IARS2: variants seen among roughly 807,000 people sequenced by gnomAD.
IARS2 encodes isoleucine--tRNA ligase, mitochondrial.
Under a neutral mutation model 126.3 loss-of-function variants are expected in IARS2, and 56 were observed. That is an observed-to-expected ratio of 0.44 (90% CI 0.36 to 0.55). The LOEUF is 0.55. Among genes scored for constraint, IARS2 ranks in the 20% least tolerant of loss-of-function variants. The probability of loss-of-function intolerance (pLI) is 0.00; values close to 1 mark genes in which losing one functional copy is unlikely to be tolerated. For missense variants in IARS2, 1,127 were observed against 1,245.9 expected (o/e 0.90, Z 1.44); for synonymous variants, 407 against 441.1 (o/e 0.92, Z 0.97).
intron 10 of IARS2, among the ~76,000 whole-genome samples, chr1:220,107,911 G>A (rs185055884): frequency 1.3e-5 from 2 of 152,184 alleles, no homozygotes; most frequent in African/African-American, 4.8e-5. Context: ...GATCTTACTT[G>A]TTTTTTCGAG....
intron 8 of IARS2, among the ~76,000 whole-genome samples, chr1:220,105,391 TATCAG>T (rs1403149863): frequency 6.6e-6 from 1 of 152,242 alleles, no homozygotes; most frequent in African/African-American, 2.4e-5. Context: ...AAATTCTTAC[TATCAG>T]ATAATTATTG....
At chr1:220,102,809 C>T (rs757171258) in intron 7 of IARS2, 32 bp downstream of exon 7, 2 of 1,213,186 alleles carry the variant, frequency 1.6e-6, no homozygotes, top group Non-Finnish European at 2.4e-6. Flanking sequence ...TTGTTTTATA[C>T]ACAAATAGAA....
intron 14 of IARS2, among the ~76,000 whole-genome samples, chr1:220,127,365 A>G (rs1272984691): frequency 1.3e-5 from 2 of 152,226 alleles, no homozygotes; most frequent in African/African-American, 4.8e-5. Context: ...CTAACTTTAT[A>G]CTTACAGATA....
intron 12 of IARS2, among the ~76,000 whole-genome samples, chr1:220,119,207 T>C (rs1656987552): frequency 6.6e-6 from 1 of 152,166 alleles, no homozygotes; most frequent in African/African-American, 2.4e-5. Context: ...TTGCTCATGC[T>C]ACCTAGTGGA....
At position 220,136,899 on chromosome 1, in the gene IARS2, T is replaced by C; in HGVS notation, c.2037T>C (p.Val679=). Residue 679 remains valine (V), a synonymous_variant, in exon 16 of 23, where the codon GTT becomes GTC. Transcript: ENST00000366922. The part of the protein sequence containing the change: ...LGNVIHPDVV[V]NGGQDQSKEP... ...ATGTCATTCATCCTGATGTTGTCGT[T>C]AATGGAGGACAAGTAGGTGATTCTC... is the stretch of plus-strand genomic sequence containing the variant. 1 of 1,592,966 alleles carries C rather than the reference T, an allele frequency of 6.3e-7. No individual in the cohort carries two copies. Among genetic ancestry groups the C allele is most frequent in the Non-Finnish European group, 8.6e-7 (1 of 1,164,074 alleles).
intron 15 of IARS2, 185 bp downstream of exon 15, chr1:220,134,695 C>A (rs548281178): frequency 8.4e-6 from 3 of 358,056 alleles, no homozygotes; most frequent in African/African-American, 2.1e-5. Flanking sequence ...TGATGCAGAT[C>A]ATAACTCTTT....
At chr1:220,106,093 C>G (rs994974060) in intron 9 of IARS2, 33 bp downstream of exon 9, 2 of 1,512,066 alleles carry the variant, frequency 1.3e-6, no homozygotes, top group African/African-American at 1.4e-5. Flanking sequence ...TTTAATTATT[C>G]ATCTTAATAA....
At chr1:220,123,238 A>G (rs1571856009) in intron 12 of IARS2, among the ~76,000 whole-genome samples, 1 of 152,130 alleles carries the variant, frequency 6.6e-6, no homozygotes, top group African/African-American at 2.4e-5. Flanking sequence ...TAGTTATTAC[A>G]TAAGGTTTTT....
At chr1:220,105,795 G>A in intron 8 of IARS2, 96 bp from the exon 9 acceptor site, 1 of 1,022,384 alleles carries the variant, frequency 9.8e-7, no homozygotes, top group Non-Finnish European at 1.5e-6. Context: ...TATTGTTCTA[G>A]ATTCTGCACA....
intron 3 of IARS2, among the ~76,000 whole-genome samples, chr1:220,101,269 G>A (rs1045250886): frequency 1.3e-5 from 2 of 152,184 alleles, no homozygotes; most frequent in East Asian, 3.8e-4. Flanking sequence ...TCCTAAATAT[G>A]AGGTCATTGT....
At chr1:220,116,308 G>A (rs1656912831) in intron 12 of IARS2, among the ~76,000 whole-genome samples, 1 of 152,094 alleles carries the variant, frequency 6.6e-6, no homozygotes, top group Admixed American at 6.6e-5. Context: ...CATGGCCCCT[G>A]TTTTTAATGA....
In IARS2 at chr1:220,144,307, T is replaced by C. The variant is rs559700627; in HGVS notation, c.2751+1173T>C. On this transcript the variant is annotated intron_variant, in intron 21 of 22. Coordinates refer to ENST00000366922, the MANE Select transcript of IARS2 (RefSeq NM_018060.4). ...GCTTTTGCCTCTCTTTTTGGCATTG[T>C]TGATGCTCTTGAGAGCATCAGCCAG... 8 of 755,448 alleles carry C rather than the reference T, an allele frequency of 1.1e-5. No homozygotes were observed. In the African/African-American group the frequency reaches 1.2e-4, roughly 11 times the overall value. 46.8% of individuals were successfully genotyped at this position (755,448 alleles called of 1,614,324 possible). A position where few individuals can be genotyped will look rare whatever the true frequency, so the allele number is the denominator to read the frequency against.
intron 14 of IARS2, among the ~76,000 whole-genome samples, chr1:220,131,849 G>A (rs1192658746): frequency 1.4e-5 from 2 of 148,030 alleles, no homozygotes; most frequent in East Asian, 4.0e-4. Flanking sequence ...CTAGGCTGGA[G>A]TGCAATGGCA....
At position 220,112,124 on chromosome 1, in the gene IARS2, C is replaced by CTTT. The variant is rs1279509771; in HGVS notation, c.1479+1206_1479+1208dup. Among the ~76,000 whole-genome samples the CTTT allele has an allele frequency of 2.4e-4, 28 of 114,734 alleles. 1 individual carries two copies. The highest frequency in any genetic ancestry group is 3.7e-4 in the African/African-American group (11 of 29,610). The allele number at this position is 114,734 out of a possible 152,430, so 75.3% of individuals were successfully genotyped here. ...TTATCTACACCCCTCCGACCACCTA[C>CTTT]TTTTTTTTTTTTTTTTTTTTTGAGA... On this transcript the variant is annotated intron_variant, in intron 11 of 22. Coordinates refer to ENST00000366922, the MANE Select transcript of IARS2 (RefSeq NM_018060.4).
intron 20 of IARS2, among the ~76,000 whole-genome samples, chr1:220,142,678 G>T (rs1657514150): frequency 6.6e-6 from 1 of 151,922 alleles, no homozygotes; most frequent in South Asian, 2.1e-4. Context: ...TTAATATTGG[G>T]ATATTTCTAT....
At chr1:220,144,044 C>G (rs910616118) in intron 21 of IARS2, 1 of 1,435,600 alleles carries the variant, frequency 7.0e-7, no homozygotes, top group Non-Finnish European at 9.7e-7. Context: ...GTTGTCAGTA[C>G]AATGAAACCA....
chr1:220,105,577 T>C (rs1166186127), intron 8 of IARS2, among the ~76,000 whole-genome samples: 1 of 152,188 alleles, frequency 6.6e-6, no homozygotes, highest in Non-Finnish European at 1.5e-5. Flanking sequence ...AATTATTTCT[T>C]ATCAATTACT....
intron 15 of IARS2, among the ~76,000 whole-genome samples, chr1:220,135,486 G>A (rs1422860074): frequency 6.6e-6 from 1 of 151,782 alleles, no homozygotes; most frequent in Non-Finnish European, 1.5e-5. Context: ...TCAGCCTCTC[G>A]AGTAGCTGGA....
chr1:220,117,184 CTTTTTTTTTTTTT>C (rs1192537887), intron 12 of IARS2, among the ~76,000 whole-genome samples: 1 of 48,460 alleles, frequency 2.1e-5, no homozygotes. Context: ...GTCTCCTCTT[CTTTTTTTTTTTTT>C]TTTTTTTTTT....
Sources: gnomAD v4.1 joint callset for allele counts (sites outside exome capture counted in the v4.1 genomes callset) on GRCh38, gnomAD v4.1.1 for gene constraint, MANE v1.5 for transcripts, NCBI Gene and HGNC (gene_info 2026-07-23, HGNC 2026-07-21) for gene names.